CDH2: variants seen among roughly 807,000 people sequenced by gnomAD.
CDH2 encodes cadherin-2.
A neutral mutation model predicts 92.0 loss-of-function variants in CDH2; 17 were observed. The observed-to-expected ratio is 0.18, with a 90% CI of 0.13 to 0.28. The LOEUF (loss-of-function observed/expected upper bound fraction) is 0.28. CDH2 is among the 10% of genes least tolerant of loss of function. The pLI, the probability that CDH2 is intolerant of heterozygous loss-of-function variation, is 1.00. For missense variants in CDH2, 862 were observed against 1,133.1 expected (o/e 0.76, Z 3.44); for synonymous variants, 419 against 415.9 (o/e 1.01, Z -0.09).
At chr18:28,118,218 A>G (rs2015528412) in intron 2 of CDH2, among the ~76,000 whole-genome samples, 2 of 151,994 alleles carry the variant, frequency 1.3e-5, no homozygotes, top group South Asian at 4.2e-4. Flanking sequence ...AAGAACCGAG[A>G]GCAGTTTGAG....
intron 1 of CDH2, among the ~76,000 whole-genome samples, chr18:28,170,867 A>G (rs572696804): frequency 1.3e-5 from 2 of 152,018 alleles, no homozygotes; most frequent in African/African-American, 4.8e-5. Flanking sequence ...TTCAATAAAT[A>G]TCTTCGTATA....
At chr18:27,934,044 G>A (rs555389271) in intron 6 of CDH2, among the ~76,000 whole-genome samples, 2 of 152,318 alleles carry the variant, frequency 1.3e-5, no homozygotes, top group South Asian at 4.1e-4. Context: ...CTGTGAAATA[G>A]TGAGATGACT....
At chr18:28,127,644 A>C (rs879822345) in intron 2 of CDH2, among the ~76,000 whole-genome samples, 19 of 152,330 alleles carry the variant, frequency 1.2e-4, no homozygotes, top group Non-Finnish European at 2.4e-4. Flanking sequence ...CCAAAAAAAA[A>C]CCTGCAAATA....
chr18:27,940,287 C>T (rs552897984), intron 6 of CDH2, among the ~76,000 whole-genome samples: 24 of 152,284 alleles, frequency 1.6e-4, no homozygotes, highest in Middle Eastern at 6.8e-3. Flanking sequence ...TAGGCAAATC[C>T]AGACTCGCTC....
intron 2 of CDH2, among the ~76,000 whole-genome samples, chr18:28,065,997 G>C (rs2014498900): frequency 6.6e-6 from 1 of 152,136 alleles, no homozygotes; most frequent in Non-Finnish European, 1.5e-5. Context: ...GTGGAGCTAG[G>C]GGGATGACAG....
At chr18:28,025,350 T>C (rs2013522273) in intron 2 of CDH2, among the ~76,000 whole-genome samples, 1 of 151,994 alleles carries the variant, frequency 6.6e-6, no homozygotes, top group South Asian at 2.1e-4. Flanking sequence ...AAACCCAGTT[T>C]CTACTAAAAT....
At chr18:27,948,481 T>C (rs1909330637), downstream of CDH2, among the ~76,000 whole-genome samples, 1 of 151,826 alleles carries the variant, frequency 6.6e-6, no homozygotes, top group Admixed American at 6.6e-5. Flanking sequence ...TTCTCAAAAA[T>C]CTAGTCAAAC....
chr18:27,992,680 T>C lies in CDH2; in HGVS notation c.1319A>G (p.Asn440Ser). Reference sequence around the variant, plus strand: ...TTTGACCACGGTGACTAACCCGTCGTTGCTGTTTGGGTCGGTCTGGATGGC... The same window carrying C: ...TTTGACCACGGTGACTAACCCGTCGCTGCTGTTTGGGTCGGTCTGGATGGC... ...RFAIQTDPNS[N>S]DGLVTVVKPI... is the part of the protein sequence containing the mutation. Residue 440 changes from asparagine to serine, a missense_variant, in exon 9 of 16, where the codon AAC becomes AGC. This residue lies in a region of CDH2 where 564 missense variants were observed against 722.2 expected (regional missense o/e 0.78). Transcript: ENST00000269141. The C allele has an allele frequency of 1.2e-6, 2 of 1,613,470 alleles. No individual in the cohort carries two copies. The highest frequency in any genetic ancestry group is 2.2e-5 in the East Asian group (1 of 44,858).
At chr18:28,014,001 T>C in intron 2 of CDH2, 92 bp from the exon 3 acceptor site, 1 of 811,066 alleles carries the variant, frequency 1.2e-6, no homozygotes, top group Non-Finnish European at 1.9e-6. Flanking sequence ...CTGCTTAGGT[T>C]AAAGGATAAA....
chr18:28,034,946 T>G (rs531279084), intron 2 of CDH2, among the ~76,000 whole-genome samples: 1 of 152,148 alleles, frequency 6.6e-6, no homozygotes, highest in Non-Finnish European at 1.5e-5. Flanking sequence ...TAAAATAGTT[T>G]TTTGGAACTA....
intron 1 of CDH2, among the ~76,000 whole-genome samples, chr18:28,174,273 T>C (rs1270253202): frequency 1.3e-5 from 2 of 151,684 alleles, no homozygotes; most frequent in African/African-American, 2.4e-5. Flanking sequence ...AAACCTAGAC[T>C]GTTAATAGCA....
chr18:28,134,135 C>CAAA (rs34083301), intron 2 of CDH2, among the ~76,000 whole-genome samples: 43 of 91,546 alleles, frequency 4.7e-4, no homozygotes, highest in East Asian at 1.3e-3. Flanking sequence ...ACTAAATTTA[C>CAAA]AAAAAAAAAA....
At chr18:28,040,885 T>C (rs2013935450) in intron 2 of CDH2, among the ~76,000 whole-genome samples, 1 of 152,176 alleles carries the variant, frequency 6.6e-6, no homozygotes, top group African/African-American at 2.4e-5. Flanking sequence ...CCAGACACAC[T>C]CCACAGATAA....
intron 2 of CDH2, among the ~76,000 whole-genome samples, chr18:28,061,579 A>AG (rs1367733177): frequency 1.3e-5 from 2 of 152,226 alleles, no homozygotes; most frequent in African/African-American, 2.4e-5. Context: ...ACTGCACTCC[A>AG]GTCTGGGACA....
At chr18:27,939,581 C>A (rs942554870) in intron 6 of CDH2, among the ~76,000 whole-genome samples, 1 of 152,164 alleles carries the variant, frequency 6.6e-6, no homozygotes, top group South Asian at 2.1e-4. Flanking sequence ...TCTTCCTGTG[C>A]GTTGCAGATG....
chr18:28,110,917 T>C (rs893271745), intron 2 of CDH2, among the ~76,000 whole-genome samples: 7 of 151,878 alleles, frequency 4.6e-5, no homozygotes, highest in African/African-American at 1.7e-4. Flanking sequence ...CTCTCCGGGG[T>C]CCACTTCTAG....
intron 2 of CDH2, among the ~76,000 whole-genome samples, chr18:28,128,916 A>T (rs538384912): frequency 6.6e-6 from 1 of 152,334 alleles, no homozygotes; most frequent in African/African-American, 2.4e-5. Flanking sequence ...CCAGTGGTAC[A>T]AACCAAAGGC....
intron 2 of CDH2, among the ~76,000 whole-genome samples, chr18:28,130,410 T>C (rs2015747594): frequency 6.6e-6 from 1 of 152,198 alleles, no homozygotes; most frequent in Non-Finnish European, 1.5e-5. Flanking sequence ...TATATCACAG[T>C]CAAAAGTAAG....
chr18:28,130,757 G>C (rs1444940501), intron 2 of CDH2, among the ~76,000 whole-genome samples: 1 of 152,188 alleles, frequency 6.6e-6, no homozygotes, highest in Non-Finnish European at 1.5e-5. Flanking sequence ...CTGTAATGCT[G>C]CCAAGACTTT....
Sources: gnomAD v4.1 joint callset for allele counts (sites outside exome capture counted in the v4.1 genomes callset) on GRCh38, gnomAD v4.1.1 for gene constraint, gnomAD v4.1.1 regional missense constraint, MANE v1.5 for transcripts, NCBI Gene and HGNC (gene_info 2026-07-23, HGNC 2026-07-21) for gene names.